ATP6V0D2: variants seen among roughly 807,000 people sequenced by gnomAD.
ATP6V0D2 encodes V-type proton ATPase subunit d 2.
Under a neutral mutation model 40.0 loss-of-function variants are expected in ATP6V0D2, and 40 were observed. The ratio of observed to expected loss-of-function variants is 1.00; its 90% CI spans 0.78 to 1.30. The LOEUF (loss-of-function observed/expected upper bound fraction) is 1.30, where lower values mean the gene tolerates loss of function less well. Ranked by LOEUF, ATP6V0D2 falls within the 50% of genes most tolerant of loss-of-function variation. The pLI, the probability that ATP6V0D2 is intolerant of heterozygous loss-of-function variation, is 0.00. For synonymous variants in ATP6V0D2, 179 were observed against 156.3 expected, an observed-to-expected ratio of 1.15 and a Z score of -1.08; for missense variants, 470 against 423.1, an observed-to-expected ratio of 1.11 and a Z score of -0.97.
At chr8:86,100,488 C>T (rs1818382759) in intron 1 of ATP6V0D2, among the ~76,000 whole-genome samples, 1 of 152,100 alleles carries the variant, frequency 6.6e-6, no homozygotes, top group Non-Finnish European at 1.5e-5. Context: ...GTCCTGAGGC[C>T]ACTTGTTTAT....
intron 5 of ATP6V0D2, among the ~76,000 whole-genome samples, chr8:86,149,904 G>T (rs1461947994): frequency 6.6e-6 from 1 of 152,084 alleles, no homozygotes; most frequent in African/African-American, 2.4e-5. Context: ...GGTTATCATT[G>T]CTGCTGTGTG....
chr8:86,123,340 A>T (rs1400314843), intron 2 of ATP6V0D2, among the ~76,000 whole-genome samples: 1 of 152,218 alleles, frequency 6.6e-6, no homozygotes, highest in East Asian at 1.9e-4. Flanking sequence ...ATAGCATTCC[A>T]AAAGTGATCA....
At chr8:86,141,730 G>A (rs1219317957) in intron 4 of ATP6V0D2, among the ~76,000 whole-genome samples, 1 of 152,174 alleles carries the variant, frequency 6.6e-6, no homozygotes, top group Admixed American at 6.5e-5. Flanking sequence ...CAAGATATTT[G>A]AAAGGAAATA....
intron 2 of ATP6V0D2, among the ~76,000 whole-genome samples, chr8:86,118,593 T>C (rs1818627017): frequency 6.6e-6 from 1 of 152,116 alleles, no homozygotes; most frequent in Admixed American, 6.5e-5. Flanking sequence ...AATTCATACC[T>C]AATCTTCAAT....
intron 4 of ATP6V0D2, 38 bp downstream of exon 4, chr8:86,141,567 C>T (rs939709511): frequency 1.4e-6 from 2 of 1,444,364 alleles, no homozygotes; most frequent in Non-Finnish European, 1.9e-6. Flanking sequence ...TTCTTGATTA[C>T]ACAATGTATT....
chr8:86,150,875 C>T (rs6992915), intron 6 of ATP6V0D2, among the ~76,000 whole-genome samples: 2 of 152,046 alleles, frequency 1.3e-5, no homozygotes, highest in Non-Finnish European at 2.9e-5. Flanking sequence ...CATTCCCTCT[C>T]ACTTGCACAC....
At chr8:86,109,324 T>C (rs1452473954) in intron 1 of ATP6V0D2, among the ~76,000 whole-genome samples, 1 of 152,206 alleles carries the variant, frequency 6.6e-6, no homozygotes, top group Non-Finnish European at 1.5e-5. Flanking sequence ...TGAACTCATT[T>C]TGAAAAGTAT....
At chr8:86,141,388 T>G (rs934371494) in intron 3 of ATP6V0D2, 62 bp from the exon 4 acceptor site, 1 of 1,332,666 alleles carries the variant, frequency 7.5e-7, no homozygotes, top group Non-Finnish European at 1.1e-6. Context: ...TCAGGATACG[T>G]TTTCTACAGC....
At chr8:86,137,019 C>T (rs1048261035) in intron 2 of ATP6V0D2, among the ~76,000 whole-genome samples, 1 of 151,034 alleles carries the variant, frequency 6.6e-6, no homozygotes, top group Admixed American at 6.6e-5. Flanking sequence ...CATATTAAAA[C>T]TAAAAATCGA....
Position 86,152,800 on chromosome 8 carries a change from T to A in ATP6V0D2, c.892-16T>A. The A allele has an allele frequency of 1.3e-6, 2 of 1,583,648 alleles. No individual in the cohort carries two copies. Among genetic ancestry groups the A allele is most frequent in the Non-Finnish European group, 1.7e-6 (2 of 1,169,498 alleles). The stretch of plus-strand genomic sequence containing the variant: ...AAATAAGTTGATGATCTGTGTTACT[T>A]TTTTTCTTTCCTCAGGTACAAATGA... On this transcript the variant is annotated splice_polypyrimidine_tract_variant and intron_variant, in intron 7 of 7. Coordinates refer to ENST00000285393, the MANE Select transcript of ATP6V0D2 (RefSeq NM_152565.1).
intron 1 of ATP6V0D2, among the ~76,000 whole-genome samples, chr8:86,102,344 A>G (rs888195509): frequency 6.7e-6 from 1 of 149,456 alleles, no homozygotes; most frequent in African/African-American, 2.5e-5. Flanking sequence ...AACTTGTTGG[A>G]ATAGAATCCT....
At position 86,150,210 on chromosome 8, in the gene ATP6V0D2, A is replaced by T. The variant is rs1819124734; in HGVS notation, c.738A>T (p.Lys246Asn). Residue 246 changes from lysine (K) to asparagine (N), a missense_variant, in exon 6 of 8, where the codon AAA becomes AAT. Transcript: ENST00000285393. ...AGACCCTCTATCCAACCTTCGGCAA[A>T]CTCTATCCTGAGGGGTTGCGGCTGT... ...DRETLYPTFG[K>N]LYPEGLRLLA... 1 of 1,612,974 alleles carries T rather than the reference A, an allele frequency of 6.2e-7. No homozygotes were observed. The highest frequency in any genetic ancestry group is 1.3e-5 in the African/African-American group (1 of 74,590).
chr8:86,145,146 A>C (rs1465878104), intron 5 of ATP6V0D2, among the ~76,000 whole-genome samples: 1 of 147,156 alleles, frequency 6.8e-6, no homozygotes, highest in Non-Finnish European at 1.5e-5. Flanking sequence ...CCAGCTGGGC[A>C]ACAGAGTGAG....
At chr8:86,110,330 A>G (rs1429589753) in intron 1 of ATP6V0D2, among the ~76,000 whole-genome samples, 1 of 152,140 alleles carries the variant, frequency 6.6e-6, no homozygotes, top group Non-Finnish European at 1.5e-5. Context: ...CCTTACCTCA[A>G]GTGATCCACC....
chr8:86,108,181 T>G (rs4961081), intron 1 of ATP6V0D2, among the ~76,000 whole-genome samples: 132,554 of 152,154 alleles, frequency 0.87, 58,133 homozygotes, highest in African/African-American at 0.97. Context: ...TCACTCTATT[T>G]CCTGAGCCAG....
At chr8:86,111,198 A>T (rs1226717513) in intron 1 of ATP6V0D2, among the ~76,000 whole-genome samples, 1,265 of 125,692 alleles carry the variant, frequency 0.01, 17 homozygotes, top group African/African-American at 0.034. Context: ...TTTTTTTTTT[A>T]AATGTAGAGA....
chr8:86,136,745 C>G (rs1818903044), intron 2 of ATP6V0D2, among the ~76,000 whole-genome samples: 1 of 152,120 alleles, frequency 6.6e-6, no homozygotes, highest in African/African-American at 2.4e-5. Context: ...AACGAATTCC[C>G]TGCCCAGGAA....
chr8:86,118,077 C>T (rs1395408931), intron 2 of ATP6V0D2, among the ~76,000 whole-genome samples: 69 of 68,924 alleles, frequency 1.0e-3, no homozygotes, highest in East Asian at 1.1e-3. Context: ...TTCCTTCTTT[C>T]TTTCTTTCTT....
chr8:86,136,519 G>A (rs906508462), intron 2 of ATP6V0D2, among the ~76,000 whole-genome samples: 2 of 152,136 alleles, frequency 1.3e-5, no homozygotes, highest in African/African-American at 2.4e-5. Context: ...AGTTAAATAA[G>A]CACTTCCATT....
Sources: gnomAD v4.1 joint callset for allele counts (sites outside exome capture counted in the v4.1 genomes callset) on GRCh38, gnomAD v4.1.1 for gene constraint, MANE v1.5 for transcripts, NCBI Gene and HGNC (gene_info 2026-07-23, HGNC 2026-07-21) for gene names.